NFIA: variants seen among roughly 807,000 people sequenced by gnomAD.
NFIA encodes nuclear factor I A.
In NFIA, 8 loss-of-function variants were observed where a neutral mutation model predicts 62.8. The ratio of observed to expected loss-of-function variants is 0.13; its 90% CI spans 0.07 to 0.23. NFIA has a LOEUF of 0.23. NFIA is among the 10% of genes least tolerant of loss of function. NFIA has a pLI of 1.00. For missense variants in NFIA, 410 were observed against 642.1 expected (o/e 0.64, Z 3.91); for synonymous variants, 235 against 238.1 (o/e 0.99, Z 0.12).
intron 2 of NFIA, among the ~76,000 whole-genome samples, chr1:61,231,956 A>C (rs1386160864): frequency 6.6e-6 from 1 of 152,192 alleles, no homozygotes; most frequent in Admixed American, 6.5e-5. Flanking sequence ...AAGGAAACTG[A>C]CTTTCAAAGA....
At chr1:61,424,537 G>A (rs1439086035) in intron 9 of NFIA, among the ~76,000 whole-genome samples, 1 of 152,126 alleles carries the variant, frequency 6.6e-6, no homozygotes, top group East Asian at 1.9e-4. Context: ...ATCACTCATA[G>A]ACTTCATACC....
intron 3 of NFIA, among the ~76,000 whole-genome samples, chr1:61,310,601 C>G (rs1053089495): frequency 2.6e-5 from 4 of 152,132 alleles, no homozygotes; most frequent in South Asian, 2.1e-4. Flanking sequence ...CAGTCACGTC[C>G]CAGTTAAGAA....
intron 3 of NFIA, among the ~76,000 whole-genome samples, chr1:61,291,915 A>G (rs969969042): frequency 6.6e-6 from 1 of 152,170 alleles, no homozygotes; most frequent in African/African-American, 2.4e-5. Context: ...TTGAGTAAAT[A>G]TGTATTATAT....
rs566981181 is a variant in NFIA, at chr1:61,409,586, CA to C, written c.1420+2860del. 2.3e-3 allele frequency among the ~76,000 whole-genome samples: 351 copies of C among 152,226 alleles called. 1 individual carries two copies. Among genetic ancestry groups the C allele is most frequent in the Admixed American group, 3.5e-3 (54 of 15,294 alleles). ...TGATAAATAAAATATTTTTTTAAAT[CA>C]GAAGACAAAATATCACCTTTATTAT... is the stretch of plus-strand genomic sequence containing the variant. On this transcript the variant is annotated intron_variant, in intron 9 of 10. Transcript: ENST00000403491.
intron 2 of NFIA, among the ~76,000 whole-genome samples, chr1:61,150,380 A>C (rs1398031803): frequency 6.6e-6 from 1 of 152,180 alleles, no homozygotes; most frequent in Non-Finnish European, 1.5e-5. Context: ...GGCTGGTCTT[A>C]CTGTTCTAAG....
At chr1:61,386,312 T>C (rs1038134063) in intron 7 of NFIA, among the ~76,000 whole-genome samples, 1 of 152,168 alleles carries the variant, frequency 6.6e-6, no homozygotes, top group Admixed American at 6.5e-5. Context: ...ACTCCTTGTA[T>C]TGGGCAAAGT....
At chr1:61,263,811 G>A (rs1570474416) in intron 2 of NFIA, among the ~76,000 whole-genome samples, 2 of 152,034 alleles carry the variant, frequency 1.3e-5, no homozygotes, top group South Asian at 2.1e-4. Flanking sequence ...CCTGGCCAAC[G>A]TAGCCCTGTC....
intron 3 of NFIA, among the ~76,000 whole-genome samples, chr1:61,306,587 A>G (rs757492822): frequency 1.1e-4 from 17 of 151,972 alleles, no homozygotes; most frequent in Non-Finnish European, 2.5e-4. Context: ...TTGGTGTGGT[A>G]TTTTTTCCCC....
intron 2 of NFIA, among the ~76,000 whole-genome samples, chr1:61,203,709 C>T (rs758771089): frequency 2.0e-5 from 3 of 151,992 alleles, no homozygotes; most frequent in South Asian, 2.1e-4. Context: ...TCTCCTACAC[C>T]GGGCCATGTT....
intron 6 of NFIA, among the ~76,000 whole-genome samples, chr1:61,365,394 TTCTC>T (rs1165501690): frequency 1.3e-5 from 2 of 152,286 alleles, no homozygotes; most frequent in East Asian, 3.9e-4. Context: ...TCTCCAACCG[TTCTC>T]TCTATGTTAA....
intron 9 of NFIA, among the ~76,000 whole-genome samples, chr1:61,411,431 C>T (rs929561129): frequency 6.6e-6 from 1 of 152,130 alleles, no homozygotes; most frequent in Non-Finnish European, 1.5e-5. Flanking sequence ...GAAGCATAAC[C>T]TGTAAGAGCA....
chr1:61,151,911 C>G (rs182217084), intron 2 of NFIA, among the ~76,000 whole-genome samples: 1 of 152,142 alleles, frequency 6.6e-6, no homozygotes, highest in African/African-American at 2.4e-5. Context: ...TCTGCAATCA[C>G]CCTCTATACT....
chr1:61,186,269 T>C (rs759042321), intron 2 of NFIA, among the ~76,000 whole-genome samples: 13 of 150,832 alleles, frequency 8.6e-5, no homozygotes, highest in Non-Finnish European at 1.5e-4. Flanking sequence ...CTGCCGCAGG[T>C]GGTTCAGCCA....
At chr1:61,341,612 G>T (rs114707310) in intron 4 of NFIA, among the ~76,000 whole-genome samples, 2,753 of 152,156 alleles carry the variant, frequency 0.018, 73 homozygotes, top group African/African-American at 0.06. Context: ...CCAGTAGCCG[G>T]GACCACAGGC....
chr1:61,349,923 C>G (rs1662459520), intron 4 of NFIA, among the ~76,000 whole-genome samples: 1 of 152,050 alleles, frequency 6.6e-6, no homozygotes, highest in South Asian at 2.1e-4. Flanking sequence ...GATTCTAACT[C>G]CTGAATAACT....
At chr1:61,284,733 T>C (rs757703739) in intron 3 of NFIA, among the ~76,000 whole-genome samples, 10 of 152,218 alleles carry the variant, frequency 6.6e-5, no homozygotes, top group Non-Finnish European at 1.5e-4. Context: ...CCCCTGATTT[T>C]CAGGTTCTAA....
intron 2 of NFIA, among the ~76,000 whole-genome samples, chr1:61,192,168 C>T (rs1309809615): frequency 6.6e-6 from 1 of 152,012 alleles, no homozygotes; most frequent in Non-Finnish European, 1.5e-5. Context: ...CCGTGTTAGC[C>T]AGGATGGTTT....
chr1:61,406,546 C>CA lies in NFIA; in HGVS notation c.1255-16_1255-15insA, dbSNP rs548375885. On this transcript the variant is annotated splice_polypyrimidine_tract_variant and intron_variant, in intron 8 of 10. Coordinates refer to ENST00000403491, the MANE Select transcript of NFIA (RefSeq NM_001134673.4). ...TTTTCTTGTACGTGTGTTTTCTGCC[C>CA]CCCCCCCCCCCACAGCCCAATGGGA... The CA allele has an allele frequency of 3.4e-6, 2 of 581,972 alleles. No homozygotes were observed. The highest frequency in any genetic ancestry group is 8.4e-5 in the Admixed American group (2 of 23,820). 36.1% of individuals were successfully genotyped at this position (581,972 alleles called of 1,614,324 possible).
intron 3 of NFIA, among the ~76,000 whole-genome samples, chr1:61,291,213 A>G (rs1302876237): frequency 1.3e-5 from 2 of 152,100 alleles, no homozygotes; most frequent in African/African-American, 2.4e-5. Context: ...TCTCCATTGT[A>G]CCCCTTTCCG....
Sources: allele counts gnomAD v4.1 joint callset (sites outside exome capture counted in the v4.1 genomes callset), GRCh38; gene constraint gnomAD v4.1.1; transcripts MANE v1.5; gene names NCBI Gene and HGNC (gene_info 2026-07-23, HGNC 2026-07-21).